DPP6: variants seen among roughly 807,000 people sequenced by gnomAD.
DPP6 encodes A-type potassium channel modulatory protein DPP6.
A neutral mutation model predicts 122.6 loss-of-function variants in DPP6; 69 were observed. That is an observed-to-expected ratio of 0.56 (90% confidence interval 0.46 to 0.69). DPP6 has a LOEUF of 0.69. Ranked by LOEUF, DPP6 falls within the 30% of genes least tolerant of loss-of-function variation. The probability of loss-of-function intolerance (pLI) is 0.00; values close to 1 mark genes in which losing one functional copy is unlikely to be tolerated. For missense variants in DPP6, 928 were observed against 1,116.9 expected (o/e 0.83, Z 2.41); for synonymous variants, 418 against 433.1 (o/e 0.97, Z 0.43).
Position 154,821,667 on chromosome 7 carries a change from C to T in DPP6, c.1666+14555C>T, listed in dbSNP as rs868245496. ...ATATACACATATATATATATATACA[C>T]ATATATATATACACACACATATATA... On this transcript the variant is annotated intron_variant, in intron 16 of 25. Coordinates refer to ENST00000377770, the MANE Select transcript of DPP6 (RefSeq NM_130797.4). The surrounding 1 kb of genome is among the most constrained non-coding windows in gnomAD (Gnocchi z 4.2). Among the ~76,000 whole-genome samples the T allele has an allele frequency of 5.7e-5, 8 of 140,232 alleles. No individual in the cohort carries two copies. The highest frequency in any genetic ancestry group is 1.9e-4 in the African/African-American group (7 of 36,872). The allele number at this position is 140,232 out of a possible 152,430, so 92.0% of individuals were successfully genotyped here. A position where few individuals can be genotyped will look rare whatever the true frequency, so the allele number is the denominator to read the frequency against.
chr7:154,168,328 C>T (rs570310206), intron 1 of DPP6, among the ~76,000 whole-genome samples: 6 of 152,312 alleles, frequency 3.9e-5, no homozygotes, highest in African/African-American at 1.2e-4. Context: ...CGCGCAGATC[C>T]AGGGCCACAG....
At chr7:153,927,658 A>G (rs932422642) in intron 1 of DPP6, among the ~76,000 whole-genome samples, 12 of 152,186 alleles carry the variant, frequency 7.9e-5, no homozygotes, top group African/African-American at 2.9e-4. Flanking sequence ...TTTATTGTGG[A>G]TGAGTTAGAA....
intron 2 of DPP6, among the ~76,000 whole-genome samples, chr7:154,467,510 G>T (rs1821891853): frequency 6.6e-6 from 1 of 152,146 alleles, no homozygotes; most frequent in African/African-American, 2.4e-5. Flanking sequence ...AAGGGTGCTT[G>T]CTTCCCCTTT....
At chr7:154,455,099 G>T (rs1397978331) in intron 2 of DPP6, among the ~76,000 whole-genome samples, 1 of 152,144 alleles carries the variant, frequency 6.6e-6, no homozygotes, top group East Asian at 1.9e-4. Context: ...TCGACAACAT[G>T]GTTGTGACGG....
At chr7:154,765,303 C>A (rs564066541) in intron 8 of DPP6, among the ~76,000 whole-genome samples, 2 of 152,312 alleles carry the variant, frequency 1.3e-5, no homozygotes, top group South Asian at 4.1e-4. Context: ...TACCAGTTCT[C>A]CTGCCTGAAG....
chr7:154,000,107 G>A (rs1215818700), intron 1 of DPP6, among the ~76,000 whole-genome samples: 1 of 150,956 alleles, frequency 6.6e-6, no homozygotes, highest in Non-Finnish European at 1.5e-5. Context: ...GATGAAGAAT[G>A]AATAGGTTCC....
At chr7:154,067,746 T>G (rs1802832199) in intron 1 of DPP6, among the ~76,000 whole-genome samples, 1 of 152,106 alleles carries the variant, frequency 6.6e-6, no homozygotes, top group Non-Finnish European at 1.5e-5. Context: ...TAAGAGTTTT[T>G]GTTTGTTTTA....
intron 10 of DPP6, among the ~76,000 whole-genome samples, chr7:154,784,227 TGAA>T (rs763453895): frequency 5.7e-4 from 86 of 152,186 alleles, no homozygotes; most frequent in Non-Finnish European, 1.2e-3. Flanking sequence ...ACTTGCACTG[TGAA>T]CACGCCATTC....
At chr7:154,456,102 G>A (rs896106760) in intron 2 of DPP6, among the ~76,000 whole-genome samples, 3 of 152,222 alleles carry the variant, frequency 2.0e-5, no homozygotes, top group Non-Finnish European at 4.4e-5. Context: ...ACAGAAAGCT[G>A]TGATATAATA....
At chr7:154,866,743 A>T (rs964822059) in intron 17 of DPP6, among the ~76,000 whole-genome samples, 9 of 152,240 alleles carry the variant, frequency 5.9e-5, no homozygotes, top group African/African-American at 2.2e-4. Context: ...ATCAAAGCTC[A>T]ATATTCAAAT....
rs1294371133 is a variant in DPP6, at chr7:154,059,921, C to T, written c.243+6858C>T. Among the ~76,000 whole-genome samples the T allele has an allele frequency of 5.9e-5, 9 of 152,118 alleles. No individual in the cohort carries two copies. The East Asian group carries it at 1.7e-3, about 30-fold the overall frequency. ...AGTACAAGAAGCAAATAAGCTCATT[C>T]TTGGGCAAAACCTGAACATAAAGGG... is the stretch of plus-strand genomic sequence containing the variant. On this transcript the variant is annotated intron_variant, in intron 1 of 25. Transcript: ENST00000377770.
At position 154,245,762 on chromosome 7, in the gene DPP6, T is replaced by C. The variant is rs116431189; in HGVS notation, c.243+192699T>C. On this transcript the variant is annotated intron_variant, in intron 1 of 25. Coordinates refer to ENST00000377770, the MANE Select transcript of DPP6 (RefSeq NM_130797.4). ...AAATGGTTAACTTATTAGAAAGATA[T>C]AAACATCTATGTATATAGTAGCTGA... Among the ~76,000 whole-genome samples, 629 of 152,100 alleles carry C rather than the reference T, an allele frequency of 4.1e-3. 4 individuals carry two copies. The highest frequency in any genetic ancestry group is 0.015 in the African/African-American group (609 of 41,496).
At chr7:154,782,508 A>G (rs576112579) in intron 10 of DPP6, among the ~76,000 whole-genome samples, 1 of 152,172 alleles carries the variant, frequency 6.6e-6, no homozygotes, top group Non-Finnish European at 1.5e-5. Context: ...GAAGCACTTT[A>G]CCTGCCTACC....
the DPP6 span, among the ~76,000 whole-genome samples, chr7:153,758,758 G>A: frequency 6.6e-6 from 1 of 150,778 alleles, no homozygotes; most frequent in Non-Finnish European, 1.5e-5. Flanking sequence ...CATGGTTTGT[G>A]TATCTATTCA....
At chr7:154,709,533 A>G (rs544582515) in intron 7 of DPP6, among the ~76,000 whole-genome samples, 15 of 151,842 alleles carry the variant, frequency 9.9e-5, no homozygotes, top group African/African-American at 3.1e-4. Context: ...AGTTTATTTT[A>G]AGGTGGTATT....
At chr7:154,871,770 A>T (rs1047894649) in intron 18 of DPP6, among the ~76,000 whole-genome samples, 2 of 152,252 alleles carry the variant, frequency 1.3e-5, no homozygotes, top group African/African-American at 2.4e-5. Context: ...CCTGCAGTGT[A>T]TCTGTGTAGT....
the DPP6 span, among the ~76,000 whole-genome samples, chr7:153,854,202 T>G: frequency 1.6e-3 from 239 of 151,788 alleles, 2 homozygotes; most frequent in Non-Finnish European, 1.1e-3. Context: ...TCCATTGATC[T>G]ATATCTCTGT....
At chr7:154,338,866 C>G (rs557003298) in intron 1 of DPP6, among the ~76,000 whole-genome samples, 1 of 152,314 alleles carries the variant, frequency 6.6e-6, no homozygotes, top group Admixed American at 6.5e-5. Context: ...TTGGAACCCC[C>G]CTGCATGGCG....
chr7:154,137,663 G>GGGC (rs1220238455), intron 1 of DPP6, among the ~76,000 whole-genome samples: 4 of 114,164 alleles, frequency 3.5e-5, no homozygotes, highest in African/African-American at 6.0e-5. Context: ...GGGGGTGGGG[G>GGGC]GGGTGGGGCG....
Sources: gnomAD v4.1 joint callset for allele counts (sites outside exome capture counted in the v4.1 genomes callset) on GRCh38, gnomAD v4.1.1 for gene constraint, Gnocchi (gnomAD v3.1) non-coding constraint, MANE v1.5 for transcripts, NCBI Gene and HGNC (gene_info 2026-07-23, HGNC 2026-07-21) for gene names.